STK32B: variants seen among roughly 807,000 people sequenced by gnomAD.
The protein encoded by STK32B is serine/threonine-protein kinase 32B.
STK32B carries 43 observed loss-of-function variants against 52.6 expected under a neutral mutation model. That is an observed-to-expected ratio of 0.82 (90% CI 0.64 to 1.05). STK32B has a LOEUF of 1.05. Among genes scored for constraint, STK32B ranks in the 50% least tolerant of loss-of-function variants. The pLI is 0.00. For missense variants in STK32B, 621 were observed against 534.6 expected, an observed-to-expected ratio of 1.16 and a Z score of -1.59; for synonymous variants, 238 against 204.3, an observed-to-expected ratio of 1.17 and a Z score of -1.41.
chr4:5,159,194 G>T (rs1262271877), intron 2 of STK32B, among the ~76,000 whole-genome samples: 1 of 152,288 alleles, frequency 6.6e-6, no homozygotes, highest in African/African-American at 2.4e-5. Flanking sequence ...TACCAAGGGG[G>T]TGCCCCATGG....
chr4:5,250,477 T>A (rs934040937), intron 3 of STK32B, among the ~76,000 whole-genome samples: 19 of 152,100 alleles, frequency 1.2e-4, no homozygotes, highest in African/African-American at 4.6e-4. Context: ...TACGCTTGGC[T>A]AATTTTTGTA....
intron 1 of STK32B, among the ~76,000 whole-genome samples, chr4:5,071,505 G>A (rs1711775364): frequency 6.6e-6 from 1 of 152,132 alleles, no homozygotes; most frequent in Non-Finnish European, 1.5e-5. Context: ...AGTGGTATAA[G>A]ATATTTATAA....
intron 11 of STK32B, among the ~76,000 whole-genome samples, chr4:5,494,484 G>T (rs1179246997): frequency 6.6e-6 from 1 of 152,058 alleles, no homozygotes; most frequent in Admixed American, 6.6e-5. Flanking sequence ...CACATGAGAT[G>T]GGTTTCCTGA....
In STK32B at chr4:5,399,135, C is replaced by G. The variant is rs1279913865; in HGVS notation, c.472+891C>G. On this transcript the variant is annotated intron_variant, in intron 5 of 11. Coordinates refer to ENST00000282908, the MANE Select transcript of STK32B (RefSeq NM_018401.3). The surrounding 1 kb of genome is among the most constrained non-coding windows in gnomAD (Gnocchi z 5.4). ...GTGGCTGATGCCAACAGGAGACTTA[C>G]AGCCTTCAAAACTAAATTCACTGGC... 2.6e-5 allele frequency among the ~76,000 whole-genome samples: 4 copies of G among 152,252 alleles called. No homozygotes were observed. The highest frequency in any genetic ancestry group is 7.2e-5 in the African/African-American group (3 of 41,474).
At chr4:5,407,912 C>T (rs1737783805) in intron 5 of STK32B, among the ~76,000 whole-genome samples, 1 of 152,024 alleles carries the variant, frequency 6.6e-6, no homozygotes, top group Admixed American at 6.6e-5. Flanking sequence ...GAGGGTGGAA[C>T]CTGCATGAAT....
At chr4:5,283,576 T>C (rs1728348064) in intron 3 of STK32B, among the ~76,000 whole-genome samples, 2 of 151,944 alleles carry the variant, frequency 1.3e-5, no homozygotes, top group African/African-American at 4.8e-5. Context: ...ACACAAAGAA[T>C]ACTGAAAGCA....
At chr4:5,169,146 G>T (rs1719128394) in intron 3 of STK32B, among the ~76,000 whole-genome samples, 1 of 152,182 alleles carries the variant, frequency 6.6e-6, no homozygotes, top group African/African-American at 2.4e-5. Flanking sequence ...CCACAGGCCA[G>T]CTGAGTGCCC....
intron 3 of STK32B, among the ~76,000 whole-genome samples, chr4:5,246,523 C>A (rs1185692994): frequency 3.3e-5 from 5 of 152,078 alleles, no homozygotes; most frequent in Non-Finnish European, 1.5e-5. Flanking sequence ...TTCAAACTTC[C>A]TCCTTTAGCT....
At chr4:5,328,767 C>T (rs189408331) in intron 3 of STK32B, among the ~76,000 whole-genome samples, 8 of 152,220 alleles carry the variant, frequency 5.3e-5, no homozygotes, top group African/African-American at 1.9e-4. Context: ...GCAGGGTTGC[C>T]GCAAACCTTC....
the STK32B span, among the ~76,000 whole-genome samples, chr4:5,022,060 C>T: frequency 6.6e-6 from 1 of 152,164 alleles, no homozygotes; most frequent in Non-Finnish European, 1.5e-5. Context: ...GAGCCCAACA[C>T]ACACAAGCTT....
chr4:5,072,747 G>A (rs1470595194), intron 1 of STK32B, among the ~76,000 whole-genome samples: 4 of 152,074 alleles, frequency 2.6e-5, no homozygotes, highest in Non-Finnish European at 4.4e-5. Flanking sequence ...CTCACTTAGG[G>A]TAAGTCTCCC....
intron 3 of STK32B, among the ~76,000 whole-genome samples, chr4:5,242,889 G>C (rs1223742915): frequency 6.6e-6 from 1 of 152,144 alleles, no homozygotes; most frequent in African/African-American, 2.4e-5. Flanking sequence ...GATGGTTGTA[G>C]GTATGCGGCA....
intron 3 of STK32B, among the ~76,000 whole-genome samples, chr4:5,180,324 G>T (rs1161238726): frequency 6.6e-6 from 1 of 152,240 alleles, no homozygotes; most frequent in Non-Finnish European, 1.5e-5. Context: ...CACTTGATAT[G>T]TGTCTTACTG....
In STK32B at chr4:5,328,830, C is replaced by T. The variant is rs80056246; in HGVS notation, c.261-2390C>T. Among the ~76,000 whole-genome samples the T allele has an allele frequency of 9.2e-3, 1,403 of 152,126 alleles. 52 individuals are homozygous for T. The East Asian group carries it at 0.11, about 12-fold the overall frequency. The stretch of plus-strand genomic sequence containing the variant: ...AACAAGGTAGTCCTGTGCTTCCCAG[C>T]GAGGCTGTATTACTTACATGCTCCT... On this transcript the variant is annotated intron_variant, in intron 3 of 11. Transcript: ENST00000282908.
intron 1 of STK32B, among the ~76,000 whole-genome samples, chr4:5,135,501 A>G (rs1716018948): frequency 6.6e-6 from 1 of 152,238 alleles, no homozygotes; most frequent in Admixed American, 6.5e-5. Flanking sequence ...CCTGGCTTTG[A>G]GTATCAGAAA....
chr4:5,349,773 A>G (rs1011216553), intron 4 of STK32B, among the ~76,000 whole-genome samples: 2 of 152,186 alleles, frequency 1.3e-5, no homozygotes, highest in African/African-American at 2.4e-5. Flanking sequence ...TGAGAAATCT[A>G]CCAAAGAAAT....
chr4:5,333,066 G>A (rs1249082871), intron 4 of STK32B, among the ~76,000 whole-genome samples: 12 of 150,780 alleles, frequency 8.0e-5, no homozygotes, highest in African/African-American at 2.2e-4. Context: ...CTGAGGAATC[G>A]CCACACTGAC....
At chr4:5,276,327 C>T (rs746642154) in intron 3 of STK32B, among the ~76,000 whole-genome samples, 3 of 152,090 alleles carry the variant, frequency 2.0e-5, no homozygotes, top group South Asian at 2.1e-4. Context: ...AGGTTTATCA[C>T]GTTTTCATGT....
chr4:5,054,687 A>G (rs1741929969), intron 1 of STK32B, among the ~76,000 whole-genome samples: 1 of 152,208 alleles, frequency 6.6e-6, no homozygotes, highest in African/African-American at 2.4e-5. Context: ...GCAGGGAGTG[A>G]CATGGTCCAG....
Sources: allele counts gnomAD v4.1 joint callset (sites outside exome capture counted in the v4.1 genomes callset), GRCh38; gene constraint gnomAD v4.1.1; non-coding constraint Gnocchi (gnomAD v3.1); transcripts MANE v1.5; gene names NCBI Gene and HGNC (gene_info 2026-07-23, HGNC 2026-07-21).